PLEKHM2: variants seen among roughly 807,000 people sequenced by gnomAD.
PLEKHM2 encodes the protein pleckstrin homology domain-containing family M member 2.
A neutral mutation model predicts 116.3 loss-of-function variants in PLEKHM2; 77 were observed. That is an observed-to-expected ratio of 0.66 (90% confidence interval 0.55 to 0.80). The LOEUF (loss-of-function observed/expected upper bound fraction) is 0.80. PLEKHM2 is among the 30% of genes least tolerant of loss of function. The pLI is 0.00. For synonymous variants in PLEKHM2, 562 were observed against 571.0 expected, an observed-to-expected ratio of 0.98 and a Z score of 0.22; for missense variants, 1,183 against 1,354.9, an observed-to-expected ratio of 0.87 and a Z score of 1.99.
rs890141072 is a variant in PLEKHM2 at position 15,720,060 on chromosome 1, C to G, written c.652+140C>G. On this transcript the variant is annotated intron_variant, in intron 6 of 19. Transcript: ENST00000375799. ...GCAATTAAACAGGGCTGGCCATTTC[C>G]CAGATCTTCATCTCCTCAGAGTCCC... The G allele has an allele frequency of 8.1e-6, 5 of 620,024 alleles. No homozygotes were observed. In the African/African-American group the frequency reaches 9.4e-5, roughly 12 times the overall value. 38.4% of individuals were successfully genotyped at this position (620,024 alleles called of 1,614,324 possible).
intron 15 of PLEKHM2, 58 bp downstream of exon 15, chr1:15,730,780 A>T: frequency 7.1e-7 from 1 of 1,412,374 alleles, no homozygotes; most frequent in South Asian, 1.3e-5. Context: ...CTGGGCTGTC[A>T]GGTCCCCAGC....
rs1024461474 is a variant in PLEKHM2 at position 15,729,854 on chromosome 1, C to T, written c.2133C>T (p.Tyr711=). The T allele has an allele frequency of 4.3e-6, 7 of 1,613,038 alleles. No individual in the cohort carries two copies. Among genetic ancestry groups the T allele is most frequent in the Non-Finnish European group, 5.9e-6 (7 of 1,179,416 alleles). The change falls in exon 14 of 20, where the codon TAC becomes TAT. Residue 711 remains tyrosine, a synonymous_variant. Transcript: ENST00000375799. This position sits in a 1 kb window ranked among gnomAD's most constrained non-coding sequence, Gnocchi z 4.7. ...AMIKGCREPP[Y]PSILTDATME... Reference sequence around the variant, plus strand: ...TCAAAGGCTGTCGAGAACCTCCCTACCCCAGCATCCTGACGGATGCCACCA... The same window carrying T: ...TCAAAGGCTGTCGAGAACCTCCCTATCCCAGCATCCTGACGGATGCCACCA...
rs370851992 is a variant in PLEKHM2, at chr1:15,728,130, C to T, written c.1812C>T (p.Asn604=). The change falls in exon 10 of 20, where the codon AAC becomes AAT. Residue 604 remains asparagine, a synonymous_variant. Transcript: ENST00000375799. The surrounding 1 kb of genome is among the most constrained non-coding windows in gnomAD (Gnocchi z 5.9). The part of the protein sequence containing the change: ...LLLMIHVFRE[N]EEQLFKMIRM... ...TCATGATCCACGTGTTCCGAGAAAA[C>T]GAAGAGCAGCTGTTCAAAGTAAGTC... 161 of 1,611,012 alleles carry T rather than the reference C, an allele frequency of 1.0e-4. No homozygotes were observed. The highest frequency in any genetic ancestry group is 1.8e-4 in the East Asian group (8 of 44,848).
chr1:15,700,985 C>T (rs987295005), intron 1 of PLEKHM2, among the ~76,000 whole-genome samples: 3 of 151,794 alleles, frequency 2.0e-5, no homozygotes, highest in Admixed American at 1.3e-4. Flanking sequence ...TGGTGGTGGA[C>T]GCCTGTAATC....
chr1:15,718,656 G>A (rs1641496560), intron 5 of PLEKHM2, 31 bp downstream of exon 5: 4 of 651,320 alleles, frequency 6.1e-6, no homozygotes, highest in Admixed American at 4.8e-5. Flanking sequence ...CTGCTTGTGG[G>A]AAGCAGAGGA....
At chr1:15,702,574 C>A (rs994106872) in intron 1 of PLEKHM2, among the ~76,000 whole-genome samples, 1 of 152,082 alleles carries the variant, frequency 6.6e-6, no homozygotes, top group Non-Finnish European at 1.5e-5. Flanking sequence ...TGCACCACCA[C>A]GCCCAGCTAA....
rs1382042401 is a variant in PLEKHM2 at position 15,684,434 on chromosome 1, G to T, written c.-125G>T. The T allele has an allele frequency of 2.4e-6, 1 of 410,214 alleles. No homozygotes were observed. The highest frequency in any genetic ancestry group is 3.3e-6 in the Non-Finnish European group (1 of 306,558). 25.4% of individuals were successfully genotyped at this position (410,214 alleles called of 1,614,324 possible). ...CGGCGGGCGCCGGGCCCCGCGGCCG[G>T]CACGACGGAGCCCCCGTACGGCCGG... On this transcript the variant is annotated 5_prime_UTR_variant, in exon 1 of 20. Coordinates refer to ENST00000375799, the MANE Select transcript of PLEKHM2 (RefSeq NM_015164.4).
At chr1:15,724,281 G>A (rs1453723687) in intron 7 of PLEKHM2, among the ~76,000 whole-genome samples, 1 of 152,106 alleles carries the variant, frequency 6.6e-6, no homozygotes, top group African/African-American at 2.4e-5. Flanking sequence ...TCAGGAGATC[G>A]AGACCATCCT....
intron 14 of PLEKHM2, 98 bp downstream of exon 14, chr1:15,730,027 C>A: frequency 2.1e-6 from 1 of 467,050 alleles, no homozygotes; most frequent in Non-Finnish European, 3.3e-6. Context: ...ATGTCTTTGC[C>A]ATTTCACAAT....
intron 1 of PLEKHM2, among the ~76,000 whole-genome samples, chr1:15,703,885 CG>C (rs945471244): frequency 6.6e-6 from 1 of 152,156 alleles, no homozygotes; most frequent in African/African-American, 2.4e-5. Flanking sequence ...TAGCTTTTCC[CG>C]GCCCTGGTGC....
chr1:15,689,967 G>A (rs1027808856), intron 1 of PLEKHM2, among the ~76,000 whole-genome samples: 12 of 152,086 alleles, frequency 7.9e-5, no homozygotes, highest in Non-Finnish European at 1.5e-5. Flanking sequence ...TGTTGGCCAG[G>A]CTGGCCTCAA....
rs774738539 is a variant in PLEKHM2 at position 15,728,047 on chromosome 1, G to C, written c.1761-32G>C. 6.4e-7 allele frequency: 1 copy of C among 1,570,276 alleles called. No homozygotes were observed. The highest frequency in any genetic ancestry group is 2.3e-5 in the East Asian group (1 of 44,040). On this transcript the variant is annotated intron_variant, in intron 9 of 19. Transcript: ENST00000375799. The surrounding 1 kb of genome is among the most constrained non-coding windows in gnomAD (Gnocchi z 5.9). ...TGGCCTCTCTCACCGCTGCCTGCCT[G>C]ACATCTCGCCCTCCTGACTTGGCCC... is the stretch of plus-strand genomic sequence containing the variant.
At chr1:15,716,160 T>C (rs2148356982) in intron 1 of PLEKHM2, 77 bp from the exon 2 acceptor site, 1 of 908,416 alleles carries the variant, frequency 1.1e-6, no homozygotes, top group Non-Finnish European at 1.7e-6. Context: ...TTTTTTTAGC[T>C]ACCTTCTTGA....
At chr1:15,708,915 C>T (rs745874437) in intron 1 of PLEKHM2, among the ~76,000 whole-genome samples, 14 of 152,140 alleles carry the variant, frequency 9.2e-5, no homozygotes, top group African/African-American at 1.4e-4. Context: ...TAAGTGTTTA[C>T]GATGTATCAT....
intron 1 of PLEKHM2, 66 bp downstream of exon 1, chr1:15,684,684 G>A (rs1640727625): frequency 6.0e-5 from 37 of 619,262 alleles, no homozygotes; most frequent in Non-Finnish European, 7.5e-5. Context: ...CTCCGGCGGC[G>A]CTCTCCCGGG....
At chr1:15,726,621 G>A (rs2068066557) in intron 8 of PLEKHM2, among the ~76,000 whole-genome samples, 1 of 152,196 alleles carries the variant, frequency 6.6e-6, no homozygotes, top group Non-Finnish European at 1.5e-5. Context: ...AGGGAAGTGA[G>A]GTCAGCTCGG....
At chr1:15,716,944 C>A (rs1192718960) in intron 3 of PLEKHM2, 128 bp downstream of exon 3, 1 of 1,153,218 alleles carries the variant, frequency 8.7e-7, no homozygotes, top group Non-Finnish European at 1.2e-6. Context: ...TGTCCAGTAG[C>A]AGTGGGGTGT....
rs1302034710 is a variant in PLEKHM2, at chr1:15,730,737, AGCTCTAGGC to A, written c.2399+16_2399+24del. On this transcript the variant is annotated intron_variant, in intron 15 of 19. Transcript: ENST00000375799. ...GTGGTGCTCAGGTGGGAGCCCTGGC[AGCTCTAGGC>A]CTGGGGCTTGGGCCCTGGGGTGGCT... The A allele has an allele frequency of 6.3e-7, 1 of 1,580,456 alleles. No homozygotes were observed. The highest frequency in any genetic ancestry group is 8.6e-7 in the Non-Finnish European group (1 of 1,163,534).
At chr1:15,713,335 C>T (rs138807546) in intron 1 of PLEKHM2, among the ~76,000 whole-genome samples, 3 of 151,902 alleles carry the variant, frequency 2.0e-5, no homozygotes, top group Non-Finnish European at 4.4e-5. Flanking sequence ...TGGGGGGATA[C>T]GTGCACACCA....
Sources: gnomAD v4.1 joint callset for allele counts (sites outside exome capture counted in the v4.1 genomes callset) on GRCh38, gnomAD v4.1.1 for gene constraint, Gnocchi (gnomAD v3.1) non-coding constraint, MANE v1.5 for transcripts, NCBI Gene and HGNC (gene_info 2026-07-23, HGNC 2026-07-21) for gene names.